HPSE2: variants seen among roughly 807,000 people sequenced by gnomAD.
HPSE2 encodes inactive heparanase-2.
In HPSE2, 38 loss-of-function variants were observed where a neutral mutation model predicts 60.5. That is an observed-to-expected ratio of 0.63 (90% CI 0.48 to 0.82). The LOEUF (loss-of-function observed/expected upper bound fraction) is 0.82, where lower values mean the gene tolerates loss of function less well. Among genes scored for constraint, HPSE2 ranks in the 40% least tolerant of loss-of-function variants. The pLI is 0.00. For missense variants in HPSE2, 713 were observed against 740.4 expected (o/e 0.96, Z 0.43); for synonymous variants, 295 against 293.2 (o/e 1.01, Z -0.06).
At chr10:99,216,188 C>CTTTTTTTTTTT (rs550046406) in intron 2 of HPSE2, among the ~76,000 whole-genome samples, 1 of 97,676 alleles carries the variant, frequency 1.0e-5, no homozygotes. Context: ...ATAACCTAAA[C>CTTTTTTTTTTT]TTTTTTTTTT....
chr10:98,657,299 C>T (rs1947097577), intron 6 of HPSE2, among the ~76,000 whole-genome samples: 1 of 150,314 alleles, frequency 6.7e-6, no homozygotes, highest in Non-Finnish European at 1.5e-5. Flanking sequence ...GTTTCGTATC[C>T]TGCTTATGTT....
In HPSE2 at chr10:99,171,224, A is replaced by G. The variant is rs552641957; in HGVS notation, c.449-26825T>C. The stretch of plus-strand genomic sequence containing the variant: ...ACATAACTAGCCTAGGCCAAAACCA[A>G]GACATGTGCTAATTCACTCAGTGTA... On this transcript the variant is annotated intron_variant, in intron 2 of 11. Coordinates refer to ENST00000370552, the MANE Select transcript of HPSE2 (RefSeq NM_021828.5). Among the ~76,000 whole-genome samples, 260 of 152,354 alleles carry G rather than the reference A, an allele frequency of 1.7e-3. 1 individual carries two copies. Among genetic ancestry groups the G allele is most frequent in the Non-Finnish European group, 2.8e-3 (191 of 68,034 alleles).
At chr10:99,267,105 C>T in the HPSE2 span, among the ~76,000 whole-genome samples, 1 of 152,180 alleles carries the variant, frequency 6.6e-6, no homozygotes, top group Admixed American at 6.5e-5. Flanking sequence ...TTAACACCCC[C>T]CAAAAGATCA....
intron 9 of HPSE2, among the ~76,000 whole-genome samples, chr10:98,567,401 G>A (rs1203380301): frequency 6.6e-6 from 1 of 152,140 alleles, no homozygotes; most frequent in Non-Finnish European, 1.5e-5. Context: ...GATTTGGGGT[G>A]TAATAATACC....
chr10:98,735,817 C>T (rs1949342818), intron 4 of HPSE2, among the ~76,000 whole-genome samples: 1 of 152,146 alleles, frequency 6.6e-6, no homozygotes, highest in Non-Finnish European at 1.5e-5. Context: ...CCTGTTCTAC[C>T]ATTTATCTAG....
chr10:98,882,536 G>A (rs150530120), intron 3 of HPSE2, among the ~76,000 whole-genome samples: 36 of 152,056 alleles, frequency 2.4e-4, no homozygotes, highest in African/African-American at 8.4e-4. Context: ...ACTCTCTGGG[G>A]CATGTTCTTA....
intron 2 of HPSE2, among the ~76,000 whole-genome samples, chr10:99,227,646 T>C (rs1278180294): frequency 1.3e-5 from 2 of 151,868 alleles, no homozygotes; most frequent in Non-Finnish European, 2.9e-5. Context: ...ACCTCCATTT[T>C]CCCAGGGCCT....
At chr10:99,195,404 GA>G (rs148131413) in intron 2 of HPSE2, among the ~76,000 whole-genome samples, 2,270 of 147,532 alleles carry the variant, frequency 0.015, 54 homozygotes, top group African/African-American at 0.053. Context: ...TCAAAATTTG[GA>G]AAAAAAAATC....
chr10:98,815,449 G>C (rs1213094726), intron 3 of HPSE2, among the ~76,000 whole-genome samples: 1 of 152,206 alleles, frequency 6.6e-6, no homozygotes, highest in Admixed American at 6.5e-5. Flanking sequence ...TGAATAAGGA[G>C]AAAGCAGCAG....
intron 3 of HPSE2, among the ~76,000 whole-genome samples, chr10:98,983,090 C>T (rs1012539731): frequency 1.3e-5 from 2 of 152,170 alleles, no homozygotes; most frequent in African/African-American, 4.8e-5. Flanking sequence ...CTGTTTGGCA[C>T]CAGGGACCAG....
rs1940130321 is a variant in HPSE2 at position 98,458,224 on chromosome 10, T to C, written c.*1350A>G. On this transcript the variant is annotated 3_prime_UTR_variant, in exon 12 of 12. Coordinates refer to ENST00000370552, the MANE Select transcript of HPSE2 (RefSeq NM_021828.5). ...GCAGAAATTGTATCACCGTCTCACT[T>C]GGAACAGTGTCAAATCTCTCCTCCT... 6.6e-6 allele frequency: 1 copy of C among 152,254 alleles called. No individual in the cohort carries two copies. Among genetic ancestry groups the C allele is most frequent in the South Asian group, 2.1e-4 (1 of 4,832 alleles). The allele number at this position is 152,254 out of a possible 1,614,324, so 9.4% of individuals were successfully genotyped here. A position where few individuals can be genotyped will look rare whatever the true frequency, so the allele number is the denominator to read the frequency against.
In HPSE2 at chr10:99,062,823, C is replaced by G. The variant is rs544664965; in HGVS notation, c.610+81415G>C. Reference sequence around the variant, plus strand: ...AAGAAGTTACAAACACCTCATATAACCAGAACCACCCAGAGACCATTGCAA... The same window carrying G: ...AAGAAGTTACAAACACCTCATATAAGCAGAACCACCCAGAGACCATTGCAA... On this transcript the variant is annotated intron_variant, in intron 3 of 11. Transcript: ENST00000370552. Among the ~76,000 whole-genome samples, 9 of 152,298 alleles carry G rather than the reference C, an allele frequency of 5.9e-5. No homozygotes were observed. In the South Asian group the frequency reaches 1.9e-3, roughly 32 times the overall value.
chr10:98,837,602 T>C (rs908219904), intron 3 of HPSE2, among the ~76,000 whole-genome samples: 10 of 152,080 alleles, frequency 6.6e-5, no homozygotes, highest in South Asian at 4.1e-4. Context: ...CGGCCGGGCG[T>C]GGTGGCTCAC....
intron 2 of HPSE2, among the ~76,000 whole-genome samples, chr10:99,210,614 A>T (rs901768019): frequency 1.3e-5 from 2 of 152,246 alleles, no homozygotes; most frequent in African/African-American, 4.8e-5. Context: ...GGATGATTCA[A>T]CATACACAAA....
intron 9 of HPSE2, among the ~76,000 whole-genome samples, chr10:98,611,266 C>A (rs1012292205): frequency 5.9e-5 from 9 of 152,220 alleles, no homozygotes; most frequent in African/African-American, 1.9e-4. Flanking sequence ...GGACAAGTTT[C>A]TCTTCTAAAG....
At chr10:98,908,054 A>G (rs144083673) in intron 3 of HPSE2, among the ~76,000 whole-genome samples, 90 of 152,322 alleles carry the variant, frequency 5.9e-4, no homozygotes, top group South Asian at 4.6e-3. Context: ...GTGAAAGCAT[A>G]AGACTGATGA....
At chr10:98,559,113 C>T (rs1454121672) in intron 9 of HPSE2, among the ~76,000 whole-genome samples, 2 of 152,172 alleles carry the variant, frequency 1.3e-5, no homozygotes, top group Non-Finnish European at 2.9e-5. Flanking sequence ...ACTGCAACCT[C>T]CGCCTCTCAG....
the HPSE2 span, among the ~76,000 whole-genome samples, chr10:99,263,247 A>T: frequency 2.6e-5 from 4 of 152,136 alleles, no homozygotes; most frequent in Non-Finnish European, 4.4e-5. Flanking sequence ...GCTATGCTAT[A>T]GTATCTTCCA....
At chr10:99,314,763 T>C in the HPSE2 span, among the ~76,000 whole-genome samples, 1 of 152,210 alleles carries the variant, frequency 6.6e-6, no homozygotes, top group African/African-American at 2.4e-5. Flanking sequence ...TGAGAAAGCT[T>C]GCTTACATAA....
Sources: gnomAD v4.1 joint callset for allele counts (sites outside exome capture counted in the v4.1 genomes callset) on GRCh38, gnomAD v4.1.1 for gene constraint, MANE v1.5 for transcripts, NCBI Gene and HGNC (gene_info 2026-07-23, HGNC 2026-07-21) for gene names.